The following C11orf65 variants were observed in gnomAD, a reference collection of about 807,000 sequenced individuals.
The protein encoded by C11orf65 is protein MFI.
In C11orf65, 38 loss-of-function variants were observed where a neutral mutation model predicts 35.3. The observed-to-expected ratio is 1.08, with a 90% CI of 0.83 to 1.41. The LOEUF is 1.41. Among genes scored for constraint, C11orf65 ranks in the 40% most tolerant of loss-of-function variants. The probability of loss-of-function intolerance (pLI) is 0.00; values close to 1 mark genes in which losing one functional copy is unlikely to be tolerated. For synonymous variants in C11orf65, 105 were observed against 114.4 expected (o/e 0.92, Z 0.53); for missense variants, 370 against 367.1 (o/e 1.01, Z -0.06).
chr11:108,309,815 T>C (rs1369833575), intron 6 of C11orf65, among the ~76,000 whole-genome samples: 1 of 152,134 alleles, frequency 6.6e-6, no homozygotes, highest in Non-Finnish European at 1.5e-5. Context: ...TTGTGTGCAT[T>C]TGTATTAGCT....
At chr11:108,349,416 A>G (rs568323997) in intron 2 of C11orf65, among the ~76,000 whole-genome samples, 1 of 152,258 alleles carries the variant, frequency 6.6e-6, no homozygotes, top group East Asian at 1.9e-4. Flanking sequence ...TGTAATCCCA[A>G]CACTTTGGGA....
intron 2 of C11orf65, chr11:108,336,189 T>C (rs960162793): frequency 1.4e-5 from 6 of 435,570 alleles, no homozygotes; most frequent in African/African-American, 1.2e-4. Context: ...TGTAGTCCCT[T>C]AGCTACATGG....
In C11orf65 at chr11:108,308,796, C is replaced by T. The variant is rs2083890898; in HGVS notation, c.*175G>A. ...TGTAGTCTTAAACCATTCTTCTTCT[C>T]TAGTAGAAAAAGAAGTTTTATGCTT... On this transcript the variant is annotated 3_prime_UTR_variant, in exon 7 of 7. Transcript: ENST00000525729. 5.7e-6 allele frequency: 3 copies of T among 528,894 alleles called. No individual in the cohort carries two copies. The East Asian group carries it at 9.1e-5, about 16-fold the overall frequency. The allele number at this position is 528,894 out of a possible 1,614,324, so 32.8% of individuals were successfully genotyped here.
intron 2 of C11orf65, among the ~76,000 whole-genome samples, chr11:108,437,573 G>A (rs185998231): frequency 3.2e-4 from 49 of 151,370 alleles, no homozygotes; most frequent in East Asian, 2.9e-3. Flanking sequence ...GCATGGTGGC[G>A]CATGTCTGTA....
At chr11:108,374,020 G>A (rs1049997535) in intron 2 of C11orf65, among the ~76,000 whole-genome samples, 9 of 152,322 alleles carry the variant, frequency 5.9e-5, no homozygotes, top group South Asian at 2.1e-4. Flanking sequence ...CAAAGCAGCC[G>A]GGAAGCTCCA....
At chr11:108,400,450 C>G (rs1478662306) in intron 6 of C11orf65, among the ~76,000 whole-genome samples, 1 of 152,266 alleles carries the variant, frequency 6.6e-6, no homozygotes, top group East Asian at 1.9e-4. Flanking sequence ...TCTATGGAAA[C>G]AGATGTACAA....
intron 6 of C11orf65, among the ~76,000 whole-genome samples, chr11:108,324,975 C>T (rs2085500553): frequency 6.6e-6 from 1 of 152,090 alleles, no homozygotes; most frequent in South Asian, 2.1e-4. Context: ...AAGATGGAGG[C>T]ATTCTTTATG....
chr11:108,451,429 C>G (rs2093346115), intron 2 of C11orf65, among the ~76,000 whole-genome samples: 1 of 151,956 alleles, frequency 6.6e-6, no homozygotes, highest in Admixed American at 6.6e-5. Context: ...AATAAAATAT[C>G]TAGGAATCCA....
chr11:108,309,122 A>C (rs2083925150), intron 6 of C11orf65: 2 of 1,025,704 alleles, frequency 1.9e-6, no homozygotes, highest in Non-Finnish European at 2.9e-6. Flanking sequence ...ACATGCATTC[A>C]AGTCCAAGCT....
At position 108,421,464 on chromosome 11, in the gene C11orf65, T is replaced by A. The variant is rs138443644; in HGVS notation, c.174+10282A>T. On this transcript the variant is annotated intron_variant, in intron 3 of 8. Transcript: ENST00000393084. ...TGAGGTCAGGAGTTCGAGACCAGCCTGACCAACATGGTGAAACCCTGTCTC... is the reference window on the plus strand; with the variant it reads ...TGAGGTCAGGAGTTCGAGACCAGCCAGACCAACATGGTGAAACCCTGTCTC... Among the ~76,000 whole-genome samples the A allele has an allele frequency of 7.9e-3, 1,206 of 152,220 alleles. 9 individuals are homozygous for A. The highest frequency in any genetic ancestry group is 0.025 in the African/African-American group (1,034 of 41,540).
At chr11:108,366,514 A>G (rs1373336531) in intron 2 of C11orf65, 4 of 227,892 alleles carry the variant, frequency 1.8e-5, no homozygotes, top group African/African-American at 8.9e-5. Flanking sequence ...TGTATTTGAT[A>G]GGCTGTTCAT....
At chr11:108,410,155 TC>T (rs1460958982) in intron 3 of C11orf65, among the ~76,000 whole-genome samples, 1 of 152,064 alleles carries the variant, frequency 6.6e-6, no homozygotes, top group Non-Finnish European at 1.5e-5. Context: ...TTTGTAACAA[TC>T]CCCCCACCAG....
chr11:108,394,518 G>A (rs1250872667), intron 6 of C11orf65, among the ~76,000 whole-genome samples: 1 of 152,244 alleles, frequency 6.6e-6, no homozygotes, highest in Admixed American at 6.5e-5. Context: ...AGCACTGCCT[G>A]TCTTAATCTG....
chr11:108,437,788 C>T (rs1054576082), intron 2 of C11orf65, among the ~76,000 whole-genome samples: 2 of 146,282 alleles, frequency 1.4e-5, no homozygotes, highest in African/African-American at 5.0e-5. Context: ...GATTGGAAGC[C>T]TTAGTATTGT....
At chr11:108,350,275 CAAG>C (rs1359411997) in intron 2 of C11orf65, among the ~76,000 whole-genome samples, 1 of 152,058 alleles carries the variant, frequency 6.6e-6, no homozygotes, top group Non-Finnish European at 1.5e-5. Flanking sequence ...GACAAGGGGA[CAAG>C]GAGATTTGAA....
At chr11:108,310,986 T>C (rs2084107722) in intron 6 of C11orf65, among the ~76,000 whole-genome samples, 1 of 152,206 alleles carries the variant, frequency 6.6e-6, no homozygotes, top group Admixed American at 6.5e-5. Context: ...TCGTTTGAAA[T>C]GGCCTGGGTC....
rs753057012 is a variant in C11orf65 at position 108,406,805 on chromosome 11, A to T, written c.387T>A (p.Tyr129Ter). Reference protein sequence around the residue: ...HLQEEDHSGWYHRIENNGWRP... With the variant: ...HLQEEDHSGW ...TCCAGCCATTGTTTTCTATACGATG[A>T]TACCAGCCACTATGATCCTCTTCCT... The change falls in exon 5 of 9, where the codon TAT becomes TAA. Residue 129 changes from tyrosine to a stop codon, truncating the protein, a stop_gained. Coordinates refer to ENST00000393084, the MANE Select transcript of C11orf65 (RefSeq NM_152587.5). LOFTEE classifies it high-confidence loss of function. The T allele has an allele frequency of 6.2e-7, 1 of 1,612,634 alleles. No individual in the cohort carries two copies. The highest frequency in any genetic ancestry group is 8.5e-7 in the Non-Finnish European group (1 of 1,179,296).
At chr11:108,368,149 A>C (rs2091427807) in intron 2 of C11orf65, 1 of 208,052 alleles carries the variant, frequency 4.8e-6, no homozygotes, top group South Asian at 1.9e-4. Context: ...TCAAATTTAC[A>C]TACAGATCAC....
intron 2 of C11orf65, among the ~76,000 whole-genome samples, chr11:108,364,496 C>T (rs181516718): frequency 1.3e-5 from 2 of 152,236 alleles, no homozygotes; most frequent in East Asian, 3.9e-4. Context: ...AGATTCCAAA[C>T]GCAGCACCAA....
Sources: allele counts gnomAD v4.1 joint callset (sites outside exome capture counted in the v4.1 genomes callset), GRCh38; gene constraint gnomAD v4.1.1; transcripts MANE v1.5; gene names NCBI Gene and HGNC (gene_info 2026-07-23, HGNC 2026-07-21).